TNIK: variants seen among roughly 807,000 people sequenced by gnomAD.
TNIK encodes the protein TRAF2 and NCK-interacting protein kinase.
A neutral mutation model predicts 191.3 loss-of-function variants in TNIK; 49 were observed. That is an observed-to-expected ratio of 0.26 (90% CI 0.20 to 0.32). The LOEUF is 0.32. Among genes scored for constraint, TNIK ranks in the 10% least tolerant of loss-of-function variants. TNIK has a pLI of 1.00. For missense variants in TNIK, 1,155 were observed against 1,702.3 expected, an observed-to-expected ratio of 0.68 and a Z score of 5.66; for synonymous variants, 594 against 600.9, an observed-to-expected ratio of 0.99 and a Z score of 0.17.
intron 10 of TNIK, among the ~76,000 whole-genome samples, chr3:171,162,367 T>C (rs939453237): frequency 3.9e-5 from 6 of 152,198 alleles, no homozygotes; most frequent in African/African-American, 1.4e-4. Flanking sequence ...GAGCTTGCAG[T>C]GAGCCAAGAT....
chr3:171,179,113 T>C (rs1736327030), intron 7 of TNIK, among the ~76,000 whole-genome samples: 1 of 152,188 alleles, frequency 6.6e-6, no homozygotes, highest in Non-Finnish European at 1.5e-5. Context: ...CTTTCAATGT[T>C]ACCAGTTCTC....
intron 2 of TNIK, among the ~76,000 whole-genome samples, chr3:171,365,690 C>T (rs549288422): frequency 6.6e-6 from 1 of 152,164 alleles, no homozygotes; most frequent in South Asian, 2.1e-4. Context: ...GCTGAACAGC[C>T]AGCTGGCAGA....
At chr3:171,201,850 A>G (rs1221791920) in intron 4 of TNIK, among the ~76,000 whole-genome samples, 1 of 152,192 alleles carries the variant, frequency 6.6e-6, no homozygotes, top group Non-Finnish European at 1.5e-5. Flanking sequence ...ATATTTTTCG[A>G]CTGGGAAAGA....
chr3:171,235,339 A>G (rs774966551), intron 2 of TNIK, among the ~76,000 whole-genome samples: 4 of 152,044 alleles, frequency 2.6e-5, no homozygotes, highest in Non-Finnish European at 5.9e-5. Context: ...ACCACGCCCA[A>G]TCTCATCTGT....
chr3:171,361,075 T>C (rs1714901632), intron 2 of TNIK, among the ~76,000 whole-genome samples: 1 of 152,126 alleles, frequency 6.6e-6, no homozygotes, highest in South Asian at 2.1e-4. Context: ...TAGACTCATC[T>C]CCAAAGACAA....
At chr3:171,332,727 G>A (rs1756528170) in intron 2 of TNIK, among the ~76,000 whole-genome samples, 1 of 152,132 alleles carries the variant, frequency 6.6e-6, no homozygotes. Context: ...TCAGAGGAAG[G>A]GTGACTGAGG....
intron 2 of TNIK, among the ~76,000 whole-genome samples, chr3:171,355,668 C>G (rs1365269987): frequency 6.6e-6 from 1 of 152,200 alleles, no homozygotes; most frequent in African/African-American, 2.4e-5. Context: ...GCATCTCTAG[C>G]ATTCCTGGGT....
intron 2 of TNIK, among the ~76,000 whole-genome samples, chr3:171,292,759 G>C (rs1292787953): frequency 1.7e-5 from 2 of 120,220 alleles, no homozygotes; most frequent in Non-Finnish European, 3.2e-5. Context: ...CTGGGCAACA[G>C]AGCAAGACTC....
At chr3:171,347,221 G>GGAAA in intron 2 of TNIK, 1 of 1,417,898 alleles carries the variant, frequency 7.1e-7, no homozygotes, top group African/African-American at 1.6e-5. Flanking sequence ...TTCATTTGCT[G>GGAAA]AAAAAAAAAA....
intron 1 of TNIK, among the ~76,000 whole-genome samples, chr3:171,415,341 A>T (rs753186052): frequency 4.6e-5 from 7 of 152,152 alleles, no homozygotes; most frequent in Non-Finnish European, 8.8e-5. Flanking sequence ...TCAGCACTGG[A>T]ATGTAAGATC....
intron 1 of TNIK, among the ~76,000 whole-genome samples, chr3:171,403,339 G>A (rs954085465): frequency 4.0e-5 from 6 of 151,766 alleles, no homozygotes; most frequent in Non-Finnish European, 8.8e-5. Context: ...GAATGGCCGG[G>A]CACGGTGGCT....
At chr3:171,115,632 G>A (rs1726571908) in intron 18 of TNIK, among the ~76,000 whole-genome samples, 1 of 152,192 alleles carries the variant, frequency 6.6e-6, no homozygotes, top group Admixed American at 6.5e-5. Flanking sequence ...ATGCATGTGG[G>A]TGCAGAGATG....
chr3:171,163,175 G>C (rs1282165915), intron 10 of TNIK, among the ~76,000 whole-genome samples: 1 of 152,200 alleles, frequency 6.6e-6, no homozygotes, highest in African/African-American at 2.4e-5. Context: ...GAGGGACAAA[G>C]GCTGGCAGGG....
intron 12 of TNIK, among the ~76,000 whole-genome samples, chr3:171,151,440 CA>C (rs1157380306): frequency 6.6e-6 from 1 of 152,200 alleles, no homozygotes; most frequent in African/African-American, 2.4e-5. Context: ...TGACTTTGGT[CA>C]AAGGCACCTA....
At chr3:171,437,566 C>A (rs1726183793) in intron 1 of TNIK, among the ~76,000 whole-genome samples, 1 of 152,012 alleles carries the variant, frequency 6.6e-6, no homozygotes, top group Non-Finnish European at 1.5e-5. Flanking sequence ...TTATTCAAAC[C>A]CTGTAGCCTC....
chr3:171,059,245 A>G lies in TNIK; in HGVS notation c.*4636T>C, dbSNP rs1274058045. ...TGTATTTTCTACTTTTCATCCAAAC[A>G]TTTGTCATCATGGACTCAGAAGAAT... On this transcript the variant is annotated 3_prime_UTR_variant, in exon 33 of 33. Coordinates refer to ENST00000436636, the MANE Select transcript of TNIK (RefSeq NM_015028.4). Among the ~76,000 whole-genome samples the G allele has an allele frequency of 1.3e-5, 2 of 152,188 alleles. No homozygotes were observed. The highest frequency in any genetic ancestry group is 2.4e-5 in the African/African-American group (1 of 41,462).
chr3:171,141,297 G>A (rs376100326), intron 12 of TNIK, among the ~76,000 whole-genome samples: 4 of 152,290 alleles, frequency 2.6e-5, no homozygotes, highest in East Asian at 3.9e-4. Context: ...ACTGAGGTAC[G>A]GAGAGATTAA....
intron 1 of TNIK, among the ~76,000 whole-genome samples, chr3:171,398,848 G>C (rs13097586): frequency 0.49 from 74,410 of 151,790 alleles, 19,046 homozygotes; most frequent in African/African-American, 0.59. Flanking sequence ...TTTCCCCTCC[G>C]TACGAAAGAA....
chr3:171,410,387 G>A lies in TNIK; in HGVS notation c.58-40702C>T, dbSNP rs370645860. ...CTCTCCATACAGCCTTTCTGGATGA[G>A]TATCTTCAGCTTCCTCACAGCATGG... On this transcript the variant is annotated intron_variant, in intron 1 of 32. Coordinates refer to ENST00000436636, the MANE Select transcript of TNIK (RefSeq NM_015028.4). 7.6e-4 allele frequency among the ~76,000 whole-genome samples: 116 copies of A among 152,296 alleles called. 3 individuals carry two copies. The South Asian group carries it at 0.023, about 30-fold the overall frequency.
Sources: allele counts gnomAD v4.1 joint callset (sites outside exome capture counted in the v4.1 genomes callset), GRCh38; gene constraint gnomAD v4.1.1; transcripts MANE v1.5; gene names NCBI Gene and HGNC (gene_info 2026-07-23, HGNC 2026-07-21).